Variants in GRID1 observed in about 807,000 individuals in gnomAD.
GRID1 encodes the protein glutamate ionotropic receptor delta type subunit 1, also known as glutamate receptor ionotropic, delta-1.
GRID1 carries 28 observed loss-of-function variants against 98.0 expected under a neutral mutation model. That is an observed-to-expected ratio of 0.29 (90% CI 0.21 to 0.39). The LOEUF (loss-of-function observed/expected upper bound fraction) is 0.39, where lower values mean the gene tolerates loss of function less well. Ranked by LOEUF, GRID1 falls within the 10% of genes least tolerant of loss-of-function variation. The pLI is 1.00. For synonymous variants in GRID1, 553 were observed against 538.5 expected (o/e 1.03, Z -0.37); for missense variants, 1,111 against 1,340.5 (o/e 0.83, Z 2.67).
chr10:85,661,890 A>C (rs557891240), intron 12 of GRID1, among the ~76,000 whole-genome samples: 3 of 152,306 alleles, frequency 2.0e-5, no homozygotes, highest in Admixed American at 2.0e-4. Flanking sequence ...TCTTCAAGAG[A>C]AATGAGCATT....
At chr10:85,728,479 T>C (rs145534274) in intron 9 of GRID1, among the ~76,000 whole-genome samples, 69 of 152,260 alleles carry the variant, frequency 4.5e-4, no homozygotes, top group Non-Finnish European at 8.5e-4. Context: ...TCTGTGACAT[T>C]AGGTTGAGAG....
rs114316353 is a variant in GRID1 at position 85,980,243 on chromosome 10, C to T, written c.727-64004G>A. Among the ~76,000 whole-genome samples the T allele has an allele frequency of 3.9e-3, 593 of 152,374 alleles. 2 individuals carry two copies. The highest frequency in any genetic ancestry group is 0.013 in the African/African-American group (558 of 41,598). On this transcript the variant is annotated intron_variant, in intron 4 of 15. Coordinates refer to ENST00000327946, the MANE Select transcript of GRID1 (RefSeq NM_017551.3). The stretch of plus-strand genomic sequence containing the variant: ...TGCCCATCTCCTGTGCCACCCACAG[C>T]CCCTGTTGGATAGTGTCAGGGCTGT...
At chr10:85,794,736 C>T (rs933620126) in intron 8 of GRID1, among the ~76,000 whole-genome samples, 3 of 152,182 alleles carry the variant, frequency 2.0e-5, no homozygotes, top group Non-Finnish European at 4.4e-5. Context: ...TGCTAATAGA[C>T]CCAAGTGATG....
At chr10:85,900,574 T>A (rs957502544) in intron 5 of GRID1, among the ~76,000 whole-genome samples, 1 of 152,250 alleles carries the variant, frequency 6.6e-6, no homozygotes, top group Non-Finnish European at 1.5e-5. Flanking sequence ...TGGGAACAAT[T>A]GATTCATATC....
At chr10:86,361,529 G>A (rs1328417235) in intron 2 of GRID1, among the ~76,000 whole-genome samples, 3 of 152,132 alleles carry the variant, frequency 2.0e-5, no homozygotes, top group Non-Finnish European at 4.4e-5. Flanking sequence ...TGCCATCCTT[G>A]GAGCCTGACA....
chr10:85,820,027 AAGGCAGGC>A (rs1156384223), intron 8 of GRID1, among the ~76,000 whole-genome samples: 729 of 66,366 alleles, frequency 0.011, 14 homozygotes, highest in Middle Eastern at 0.021. Flanking sequence ...GGAAGGAAGG[AAGGCAGGC>A]AGGCAGGCAG....
At chr10:85,850,032 C>A (rs536571306) in intron 8 of GRID1, among the ~76,000 whole-genome samples, 1 of 152,282 alleles carries the variant, frequency 6.6e-6, no homozygotes, top group South Asian at 2.1e-4. Context: ...ACAGGCTGCC[C>A]AGATGCTCCT....
intron 12 of GRID1, among the ~76,000 whole-genome samples, chr10:85,722,271 G>A (rs539054550): frequency 2.4e-4 from 36 of 152,216 alleles, no homozygotes; most frequent in African/African-American, 8.4e-4. Context: ...CATAATCAGC[G>A]ATCAAGTTAG....
chr10:86,039,245 C>A (rs531042276), intron 4 of GRID1, among the ~76,000 whole-genome samples: 1 of 152,282 alleles, frequency 6.6e-6, no homozygotes, highest in Non-Finnish European at 1.5e-5. Context: ...CCACCCTCAA[C>A]CTTGGAAGTT....
chr10:86,235,296 T>A (rs778268910), intron 2 of GRID1, among the ~76,000 whole-genome samples: 3 of 152,238 alleles, frequency 2.0e-5, no homozygotes, highest in Non-Finnish European at 4.4e-5. Context: ...CCTGGCAGTG[T>A]GGACCACAGA....
intron 2 of GRID1, among the ~76,000 whole-genome samples, chr10:86,339,302 G>A (rs574208728): frequency 5.3e-5 from 8 of 152,332 alleles, no homozygotes; most frequent in African/African-American, 1.9e-4. Flanking sequence ...TATGGGGTGA[G>A]AGAAGCCACC....
intron 3 of GRID1, among the ~76,000 whole-genome samples, chr10:86,194,946 G>A (rs955784383): frequency 6.6e-6 from 1 of 152,032 alleles, no homozygotes; most frequent in Non-Finnish European, 1.5e-5. Context: ...CTCCTCCTGA[G>A]CCCCACCCAG....
intron 4 of GRID1, among the ~76,000 whole-genome samples, chr10:86,053,964 T>A (rs1352664011): frequency 6.6e-6 from 1 of 152,198 alleles, no homozygotes; most frequent in Admixed American, 6.5e-5. Flanking sequence ...CACTTTCCCA[T>A]GTTTTGTAAA....
intron 12 of GRID1, chr10:85,647,841 T>C (rs1474150796): frequency 3.2e-5 from 5 of 157,458 alleles, no homozygotes; most frequent in African/African-American, 1.2e-4. Flanking sequence ...GAGGCCTATG[T>C]TGGCAAGATG....
intron 3 of GRID1, among the ~76,000 whole-genome samples, chr10:86,170,052 T>A (rs1489904943): frequency 6.6e-6 from 1 of 152,162 alleles, no homozygotes; most frequent in Non-Finnish European, 1.5e-5. Flanking sequence ...TTTCCGCCCA[T>A]CCTTAATGAA....
intron 8 of GRID1, among the ~76,000 whole-genome samples, chr10:85,757,552 A>T (rs1917138): frequency 6.6e-6 from 1 of 151,568 alleles, no homozygotes; most frequent in African/African-American, 2.4e-5. Context: ...TGTGACTGAC[A>T]TTGTTGTTAA....
In GRID1 at chr10:86,036,786, C is replaced by T. The variant is rs564860911; in HGVS notation, c.726+102033G>A. 3.9e-5 allele frequency among the ~76,000 whole-genome samples: 6 copies of T among 152,320 alleles called. No individual in the cohort carries two copies. The East Asian group carries it at 9.6e-4, about 24-fold the overall frequency. ...AGATGAGGATCGACTGAAACACACA[C>T]TTGTGACCCAGGTAACCCAGACACC... On this transcript the variant is annotated intron_variant, in intron 4 of 15. Coordinates refer to ENST00000327946, the MANE Select transcript of GRID1 (RefSeq NM_017551.3).
chr10:85,704,302 G>A (rs906052308), intron 12 of GRID1, among the ~76,000 whole-genome samples: 7 of 151,894 alleles, frequency 4.6e-5, no homozygotes, highest in African/African-American at 1.7e-4. Flanking sequence ...AAACAAAAAA[G>A]GGCAGGGGTT....
chr10:85,599,673 G>GA lies in GRID1; in HGVS notation c.*2599dup, dbSNP rs1590151154. 1 of 146,402 alleles carries GA rather than the reference G, an allele frequency of 6.8e-6. No homozygotes were observed. The highest frequency in any genetic ancestry group is 2.5e-5 in the African/African-American group (1 of 39,726). 9.1% of individuals were successfully genotyped at this position (146,402 alleles called of 1,614,324 possible). A position where few individuals can be genotyped will look rare whatever the true frequency, so the allele number is the denominator to read the frequency against. On this transcript the variant is annotated 3_prime_UTR_variant, in exon 16 of 16. Transcript: ENST00000327946. ...GTTATAAATCCAAAGAGCAAAGCAT[G>GA]AAAAAAAGATACATTCTGAGCTGAC...
Sources: gnomAD v4.1 joint callset for allele counts (sites outside exome capture counted in the v4.1 genomes callset) on GRCh38, gnomAD v4.1.1 for gene constraint, MANE v1.5 for transcripts, NCBI Gene and HGNC (gene_info 2026-07-23, HGNC 2026-07-21) for gene names.